AKAP6: variants seen among roughly 807,000 people sequenced by gnomAD.
AKAP6 encodes the protein A-kinase anchoring protein 6.
AKAP6 carries 58 observed loss-of-function variants against 188.5 expected under a neutral mutation model. The ratio of observed to expected loss-of-function variants is 0.31; its 90% CI spans 0.25 to 0.38. The LOEUF is 0.38. Among genes scored for constraint, AKAP6 ranks in the 10% least tolerant of loss-of-function variants. The pLI is 1.00. For missense variants in AKAP6, 2,710 were observed against 2,740.0 expected (o/e 0.99, Z 0.24); for synonymous variants, 989 against 998.6 (o/e 0.99, Z 0.18).
At chr14:32,354,239 T>C (rs1002124763) in intron 1 of AKAP6, among the ~76,000 whole-genome samples, 1 of 151,042 alleles carries the variant, frequency 6.6e-6, no homozygotes, top group Non-Finnish European at 1.5e-5. Flanking sequence ...CAAAACAGCA[T>C]GGTACTGGTA....
Position 32,630,334 on chromosome 14 carries a change from AT to A in AKAP6, c.2730+29550del, listed in dbSNP as rs201398161. Among the ~76,000 whole-genome samples, 15 of 152,094 alleles carry A rather than the reference AT, an allele frequency of 9.9e-5. No homozygotes were observed. In the East Asian group the frequency reaches 2.5e-3, roughly 26 times the overall value. ...ATTGTTCAACATTAGAGAATGCAAG[AT>A]TTTTTTTCAACTATAATAACAGTAT... On this transcript the variant is annotated intron_variant, in intron 7 of 13. Transcript: ENST00000280979.
At chr14:32,619,153 T>G (rs1267748263) in intron 7 of AKAP6, among the ~76,000 whole-genome samples, 1 of 151,308 alleles carries the variant, frequency 6.6e-6, no homozygotes, top group Non-Finnish European at 1.5e-5. Context: ...TGATGATTAT[T>G]TCTTTTGCTC....
Position 32,755,710 on chromosome 14 carries a change from T to C in AKAP6, c.3373-17968T>C, listed in dbSNP as rs187861304. ...ACCCAGCAACTTTTTGAATTTTTTG[T>C]ACAGACAAGGTTTCACCATGTTGCC... is the stretch of plus-strand genomic sequence containing the variant. On this transcript the variant is annotated intron_variant, in intron 11 of 13. Transcript: ENST00000280979. Among the ~76,000 whole-genome samples, 391 of 152,204 alleles carry C rather than the reference T, an allele frequency of 2.6e-3. 1 individual carries two copies. Among genetic ancestry groups the C allele is most frequent in the Non-Finnish European group, 3.9e-3 (265 of 68,012 alleles).
intron 11 of AKAP6, among the ~76,000 whole-genome samples, chr14:32,739,743 G>A (rs1343149349): frequency 6.6e-6 from 1 of 152,010 alleles, no homozygotes; most frequent in Non-Finnish European, 1.5e-5. Context: ...TTATGTATAT[G>A]TACCACATTT....
At chr14:32,565,785 TGTTA>T (rs1884157946) in intron 4 of AKAP6, among the ~76,000 whole-genome samples, 1 of 152,184 alleles carries the variant, frequency 6.6e-6, no homozygotes, top group Non-Finnish European at 1.5e-5. Flanking sequence ...GTCTTTTGAG[TGTTA>T]GTTAGCCAGG....
intron 4 of AKAP6, among the ~76,000 whole-genome samples, chr14:32,566,565 A>C (rs1884198559): frequency 6.6e-6 from 1 of 152,146 alleles, no homozygotes; most frequent in African/African-American, 2.4e-5. Context: ...GCCTAATACA[A>C]TTTCTGATAC....
Position 32,807,234 on chromosome 14 carries a change from G to A in AKAP6, c.3589-14168G>A, listed in dbSNP as rs1328173595. Among the ~76,000 whole-genome samples the A allele has an allele frequency of 4.6e-5, 7 of 151,378 alleles. No individual in the cohort carries two copies. In the East Asian group the frequency reaches 1.4e-3, roughly 29 times the overall value. On this transcript the variant is annotated intron_variant, in intron 12 of 13. Transcript: ENST00000280979. ...ATGGTGGCACAAGAGGCTGATGGGA[G>A]AAGATTGCCTGAGTGCAGGAGCTCA...
intron 12 of AKAP6, among the ~76,000 whole-genome samples, chr14:32,784,229 C>T (rs2140028445): frequency 6.6e-6 from 1 of 152,268 alleles, no homozygotes; most frequent in Admixed American, 6.5e-5. Flanking sequence ...TTCACTGACA[C>T]TTATTTAAGC....
chr14:32,666,795 A>G (rs1422967819), intron 7 of AKAP6, among the ~76,000 whole-genome samples: 3 of 152,074 alleles, frequency 2.0e-5, no homozygotes, highest in Admixed American at 6.6e-5. Context: ...AAAGACCATC[A>G]TTTTAAAAAT....
At chr14:32,812,027 A>C (rs1236578531) in intron 12 of AKAP6, among the ~76,000 whole-genome samples, 1 of 152,200 alleles carries the variant, frequency 6.6e-6, no homozygotes, top group Non-Finnish European at 1.5e-5. Flanking sequence ...CATTTTCATA[A>C]AGGAGGGAGA....
chr14:32,348,417 C>CTTTTTTTT (rs71115063), intron 1 of AKAP6, among the ~76,000 whole-genome samples: 38 of 126,144 alleles, frequency 3.0e-4, no homozygotes, highest in African/African-American at 1.0e-3. Context: ...TCTTTTGTTT[C>CTTTTTTTT]TTTTTTTTTT....
At position 32,434,719 on chromosome 14, in the gene AKAP6, A is replaced by G. The variant is rs144254699; in HGVS notation, c.324+902A>G. ...AACATTCTTGGATCTTAACACTTAA[A>G]TGGTTTACAGGATGCAGCCATCAGC... On this transcript the variant is annotated intron_variant, in intron 2 of 13. Coordinates refer to ENST00000280979, the MANE Select transcript of AKAP6 (RefSeq NM_004274.5). Among the ~76,000 whole-genome samples, 873 of 152,328 alleles carry G rather than the reference A, an allele frequency of 5.7e-3. 11 individuals carry two copies. Among genetic ancestry groups the G allele is most frequent in the Non-Finnish European group, 8.1e-3 (553 of 68,030 alleles).
Position 32,824,725 on chromosome 14 carries a change from A to C in AKAP6, c.6912A>C (p.Glu2304Asp). The C allele has an allele frequency of 6.2e-7, 1 of 1,613,494 alleles. No individual in the cohort carries two copies. The highest frequency in any genetic ancestry group is 8.5e-7 in the Non-Finnish European group (1 of 1,179,794). ...HPSPKTLTCE[E>D]NLLNLHEKRH... The stretch of plus-strand genomic sequence containing the variant: ...GCCCCAAAACTTTAACCTGTGAAGA[A>C]AATCTTCTAAACCTTCATGAAAAAC... The change falls in exon 13 of 14, where the codon GAA (glutamate) becomes GAC (aspartate). Residue 2304 changes from glutamate (E) to aspartate (D), a missense_variant. This residue lies in a region of AKAP6 where 2,473 missense variants were observed against 2,426.1 expected (regional missense o/e 1.02). Coordinates refer to ENST00000280979, the MANE Select transcript of AKAP6 (RefSeq NM_004274.5).
At chr14:32,436,050 A>G (rs1890368173) in intron 2 of AKAP6, among the ~76,000 whole-genome samples, 1 of 152,230 alleles carries the variant, frequency 6.6e-6, no homozygotes, top group Non-Finnish European at 1.5e-5. Context: ...GAAACACAAC[A>G]AAACAACCTT....
chr14:32,433,802 T>C lies in AKAP6; in HGVS notation c.309T>C (p.His103=). Residue 103 remains histidine, a synonymous_variant, in exon 2 of 14, where the codon CAT becomes CAC. Coordinates refer to ENST00000280979, the MANE Select transcript of AKAP6 (RefSeq NM_004274.5). ...CGGACAGCAAGCATGTGGATGTACA[T>C]CTAGTTCAACTAAAGGTAAGGCAAG... ...QDSDSKHVDV[H]LVQLKDICED... is the part of the protein sequence containing the mutation. The C allele has an allele frequency of 5.0e-6, 8 of 1,613,254 alleles. No homozygotes were observed. Among genetic ancestry groups the C allele is most frequent in the Non-Finnish European group, 5.9e-6 (7 of 1,179,742 alleles).
chr14:32,452,913 A>T (rs1273939444), intron 2 of AKAP6, among the ~76,000 whole-genome samples: 1 of 152,220 alleles, frequency 6.6e-6, no homozygotes, highest in Non-Finnish European at 1.5e-5. Context: ...AAATACTTTT[A>T]AAAAATGAAA....
chr14:32,672,360 G>A (rs1019810654), intron 7 of AKAP6, among the ~76,000 whole-genome samples: 9 of 152,154 alleles, frequency 5.9e-5, no homozygotes, highest in Admixed American at 2.0e-4. Context: ...ACCACAGACT[G>A]GGTGGCTAAA....
intron 2 of AKAP6, among the ~76,000 whole-genome samples, chr14:32,508,125 TATGGTGATCCTTG>T (rs998903063): frequency 2.2e-4 from 34 of 152,344 alleles, no homozygotes; most frequent in Admixed American, 1.9e-3. Context: ...GTGATTCTTT[TATGGTGATCCTTG>T]ATAAACTGGA....
chr14:32,566,333 A>G (rs1056530333), intron 4 of AKAP6, among the ~76,000 whole-genome samples: 2 of 151,792 alleles, frequency 1.3e-5, no homozygotes, highest in African/African-American at 4.8e-5. Context: ...ATGTTAATAT[A>G]TATTATTATT....
Sources: allele counts gnomAD v4.1 joint callset (sites outside exome capture counted in the v4.1 genomes callset), GRCh38; gene constraint gnomAD v4.1.1; regional missense constraint gnomAD v4.1.1; transcripts MANE v1.5; gene names NCBI Gene and HGNC (gene_info 2026-07-23, HGNC 2026-07-21).